Variants in MAGI2 observed in about 807,000 individuals in gnomAD.
MAGI2 encodes membrane associated guanylate kinase, WW and PDZ domain containing 2, also known as membrane-associated guanylate kinase, WW and PDZ domain-containing protein 2.
In MAGI2, 35 loss-of-function variants were observed where a neutral mutation model predicts 133.3. The ratio of observed to expected loss-of-function variants is 0.26; its 90% confidence interval spans 0.20 to 0.35. MAGI2 has a LOEUF of 0.35. Ranked by LOEUF, MAGI2 falls within the 10% of genes least tolerant of loss-of-function variation. The pLI is 1.00. For synonymous variants in MAGI2, 729 were observed against 710.6 expected, an observed-to-expected ratio of 1.03 and a Z score of -0.41; for missense variants, 1,636 against 1,863.4, an observed-to-expected ratio of 0.88 and a Z score of 2.25.
intron 2 of MAGI2, among the ~76,000 whole-genome samples, chr7:78,790,304 A>G (rs574502124): frequency 6.6e-6 from 1 of 152,278 alleles, no homozygotes; most frequent in African/African-American, 2.4e-5. Flanking sequence ...CTTTTAAAAA[A>G]TACCAGGTCC....
chr7:78,957,698 A>T (rs1294307582), intron 2 of MAGI2, among the ~76,000 whole-genome samples: 1 of 152,170 alleles, frequency 6.6e-6, no homozygotes, highest in African/African-American at 2.4e-5. Flanking sequence ...CAAAGCATAG[A>T]GAGGTTAGGT....
At chr7:78,633,667 C>G (rs1486273115) in intron 2 of MAGI2, among the ~76,000 whole-genome samples, 1 of 140,022 alleles carries the variant, frequency 7.1e-6, no homozygotes, top group Non-Finnish European at 1.5e-5. Context: ...GATCGCGCCA[C>G]TGCACTCCAG....
At chr7:78,963,754 A>G (rs1324212308) in intron 2 of MAGI2, among the ~76,000 whole-genome samples, 2 of 152,044 alleles carry the variant, frequency 1.3e-5, no homozygotes, top group Admixed American at 1.3e-4. Flanking sequence ...GCCCTGGTTT[A>G]TAATGGAATA....
chr7:78,275,496 G>A (rs1284191378), intron 9 of MAGI2, among the ~76,000 whole-genome samples: 1 of 99,566 alleles, frequency 1.0e-5, no homozygotes, highest in Non-Finnish European at 1.9e-5. Flanking sequence ...ATTACTCAGT[G>A]ACAGAATTAG....
At chr7:79,388,356 T>C (rs775966207) in intron 1 of MAGI2, among the ~76,000 whole-genome samples, 2 of 151,952 alleles carry the variant, frequency 1.3e-5, no homozygotes, top group Non-Finnish European at 2.9e-5. Context: ...TACCTATCAA[T>C]ACAGGTAATC....
intron 2 of MAGI2, among the ~76,000 whole-genome samples, chr7:78,645,992 G>T (rs894815488): frequency 5.9e-5 from 9 of 152,158 alleles, no homozygotes; most frequent in African/African-American, 1.4e-4. Flanking sequence ...GCCCGCCTTG[G>T]CCTCCCAAAG....
chr7:78,088,231 T>C (rs1043028174), intron 20 of MAGI2, among the ~76,000 whole-genome samples: 1 of 152,262 alleles, frequency 6.6e-6, no homozygotes, highest in African/African-American at 2.4e-5. Context: ...TTCGGCTTTG[T>C]GCAATGACTT....
chr7:79,397,980 G>A (rs183896470), intron 1 of MAGI2, among the ~76,000 whole-genome samples: 1 of 152,150 alleles, frequency 6.6e-6, no homozygotes. Context: ...TGTTTAGAAT[G>A]TTCTTCTCTA....
At chr7:78,261,142 T>C (rs1793479453) in intron 9 of MAGI2, among the ~76,000 whole-genome samples, 1 of 152,122 alleles carries the variant, frequency 6.6e-6, no homozygotes, top group Non-Finnish European at 1.5e-5. Context: ...CATCTTACAG[T>C]CTACTCCATT....
At chr7:78,947,581 G>A (rs542190956) in intron 2 of MAGI2, among the ~76,000 whole-genome samples, 10 of 152,074 alleles carry the variant, frequency 6.6e-5, no homozygotes, top group South Asian at 6.2e-4. Flanking sequence ...ACTTCTATAG[G>A]CTGAATTTAG....
intron 2 of MAGI2, among the ~76,000 whole-genome samples, chr7:78,891,457 A>G (rs2151569931): frequency 6.6e-6 from 1 of 152,340 alleles, no homozygotes; most frequent in Non-Finnish European, 1.5e-5. Flanking sequence ...ATCCCTGATG[A>G]ACATCGATGC....
rs569184681 is a variant in MAGI2, at chr7:79,436,101, A to G, written c.301+16919T>C. Reference sequence around the variant, plus strand: ...TGAAAATGGATCCCTATATATTATCATATACAAATATTCAGTCAAGATGAA... The same window carrying G: ...TGAAAATGGATCCCTATATATTATCGTATACAAATATTCAGTCAAGATGAA... On this transcript the variant is annotated intron_variant, in intron 1 of 21. Transcript: ENST00000354212. 4.6e-5 allele frequency among the ~76,000 whole-genome samples: 7 copies of G among 152,144 alleles called. No individual in the cohort carries two copies. The East Asian group carries it at 1.4e-3, about 30-fold the overall frequency.
chr7:78,107,542 T>G (rs895107644), intron 20 of MAGI2, among the ~76,000 whole-genome samples: 3 of 152,198 alleles, frequency 2.0e-5, no homozygotes, highest in Admixed American at 2.0e-4. Flanking sequence ...TAGTTTTCAT[T>G]GTAGAGATCT....
At chr7:78,264,123 C>T (rs1425294684) in intron 9 of MAGI2, among the ~76,000 whole-genome samples, 2 of 152,158 alleles carry the variant, frequency 1.3e-5, no homozygotes, top group Non-Finnish European at 2.9e-5. Context: ...ACAGCATTGA[C>T]TACCATTTTA....
intron 6 of MAGI2, among the ~76,000 whole-genome samples, chr7:78,392,454 G>A (rs1748820290): frequency 6.6e-6 from 1 of 152,090 alleles, no homozygotes; most frequent in African/African-American, 2.4e-5. Context: ...AGTTGGAATA[G>A]AAGACTTGTG....
intron 9 of MAGI2, among the ~76,000 whole-genome samples, chr7:78,301,407 T>C (rs1432130089): frequency 1.3e-5 from 2 of 152,150 alleles, no homozygotes; most frequent in African/African-American, 2.4e-5. Flanking sequence ...ACAAACATGT[T>C]CCCCAGAGGA....
intron 2 of MAGI2, among the ~76,000 whole-genome samples, chr7:78,721,718 G>A (rs1480355431): frequency 6.6e-6 from 1 of 151,900 alleles, no homozygotes; most frequent in South Asian, 2.1e-4. Flanking sequence ...TTATATCAAG[G>A]CTGAAGGGTA....
At chr7:78,589,732 A>G (rs2627539) in intron 3 of MAGI2, among the ~76,000 whole-genome samples, 20,869 of 152,228 alleles carry the variant, frequency 0.14, 1,953 homozygotes, top group Non-Finnish European at 0.19. Flanking sequence ...GAAAGGGTAC[A>G]TGTCAAATTT....
At chr7:79,007,049 T>C (rs374893966) in intron 2 of MAGI2, 41 bp downstream of exon 2, 17 of 1,345,914 alleles carry the variant, frequency 1.3e-5, no homozygotes, top group Non-Finnish European at 1.8e-5. Context: ...TAAACATTTA[T>C]CTCTCAACAT....
Sources: gnomAD v4.1 joint callset for allele counts (sites outside exome capture counted in the v4.1 genomes callset) on GRCh38, gnomAD v4.1.1 for gene constraint, MANE v1.5 for transcripts, NCBI Gene and HGNC (gene_info 2026-07-23, HGNC 2026-07-21) for gene names.